The following INPP5D variants were observed in gnomAD, a reference collection of about 807,000 sequenced individuals.
The protein encoded by INPP5D is phosphatidylinositol 3,4,5-trisphosphate 5-phosphatase 1.
INPP5D carries 33 observed loss-of-function variants against 122.9 expected under a neutral mutation model. That is an observed-to-expected ratio of 0.27 (90% CI 0.20 to 0.36). INPP5D has a LOEUF of 0.36. Ranked by LOEUF, INPP5D falls within the 10% of genes least tolerant of loss-of-function variation. The pLI is 1.00. For synonymous variants in INPP5D, 584 were observed against 576.2 expected, an observed-to-expected ratio of 1.01 and a Z score of -0.19; for missense variants, 1,053 against 1,412.7, an observed-to-expected ratio of 0.75 and a Z score of 4.08.
intron 3 of INPP5D, among the ~76,000 whole-genome samples, chr2:233,122,561 G>A (rs1430238744): frequency 1.3e-5 from 2 of 152,220 alleles, no homozygotes; most frequent in Non-Finnish European, 2.9e-5. Context: ...CCAGAACTTT[G>A]GGAGGCCGAG....
chr2:233,074,311 T>C (rs1454705761), intron 1 of INPP5D, among the ~76,000 whole-genome samples: 2 of 152,118 alleles, frequency 1.3e-5, no homozygotes, highest in Non-Finnish European at 2.9e-5. Context: ...TGTCTTTGAG[T>C]AGCTGTCAGA....
chr2:233,112,782 C>T (rs1292734837), intron 2 of INPP5D, among the ~76,000 whole-genome samples: 1 of 152,146 alleles, frequency 6.6e-6, no homozygotes. Context: ...AGCAATTCTC[C>T]TGCTTCAGCC....
chr2:233,062,404 A>G (rs1160682644), intron 1 of INPP5D, among the ~76,000 whole-genome samples: 1 of 152,222 alleles, frequency 6.6e-6, no homozygotes, highest in Non-Finnish European at 1.5e-5. Context: ...CTCTGGTGCA[A>G]CAGCCCTGGC....
chr2:233,144,023 TA>T (rs1423191192), intron 6 of INPP5D, among the ~76,000 whole-genome samples: 3 of 139,846 alleles, frequency 2.1e-5, no homozygotes, highest in Admixed American at 7.1e-5. Context: ...GTGAGAGTGG[TA>T]GGGGTGGAGA....
In INPP5D at chr2:233,164,747, A is replaced by G. The variant is rs1210269550; in HGVS notation, c.1555+323A>G. Among the ~76,000 whole-genome samples, 1 of 152,186 alleles carries G rather than the reference A, an allele frequency of 6.6e-6. No homozygotes were observed. The highest frequency in any genetic ancestry group is 1.5e-5 in the Non-Finnish European group (1 of 68,028). On this transcript the variant is annotated intron_variant, in intron 13 of 26. Transcript: ENST00000445964. This position sits in a 1 kb window ranked among gnomAD's most constrained non-coding sequence, Gnocchi z 4.3. Reference sequence around the variant, plus strand: ...GTCGGCCCGTGGGACCCATTTTAAGAAGCAAGAACCTAGAAGAGGCATTGG... The same window carrying G: ...GTCGGCCCGTGGGACCCATTTTAAGGAGCAAGAACCTAGAAGAGGCATTGG...
At chr2:233,087,268 C>A (rs1263517381) in intron 2 of INPP5D, among the ~76,000 whole-genome samples, 3 of 152,038 alleles carry the variant, frequency 2.0e-5, no homozygotes, top group African/African-American at 4.8e-5. Flanking sequence ...AACCCCTTAC[C>A]CTCCTTTCTT....
rs138980007 is a variant in INPP5D, at chr2:233,153,020, G to T, written c.1031-5293G>T. ...GCGGTGGCAGCTGGAGATGGGAAAA[G>T]GTGAACGGGGTGGGAACGTTTCAAA... On this transcript the variant is annotated intron_variant, in intron 9 of 26. Coordinates refer to ENST00000445964, the MANE Select transcript of INPP5D (RefSeq NM_001017915.3). Among the ~76,000 whole-genome samples the T allele has an allele frequency of 7.9e-3, 1,201 of 152,322 alleles. 13 individuals carry two copies. Among genetic ancestry groups the T allele is most frequent in the African/African-American group, 0.027 (1,124 of 41,566 alleles).
chr2:233,172,346 G>A (rs192205858), intron 17 of INPP5D, among the ~76,000 whole-genome samples: 1 of 152,330 alleles, frequency 6.6e-6, no homozygotes, highest in East Asian at 1.9e-4. Flanking sequence ...GCTCTGCCGG[G>A]CACTGGTGCA....
chr2:233,189,957 T>C lies in INPP5D; in HGVS notation c.2446+20T>C. On this transcript the variant is annotated intron_variant, in intron 22 of 26. Coordinates refer to ENST00000445964, the MANE Select transcript of INPP5D (RefSeq NM_001017915.3). The surrounding 1 kb of genome is among the most constrained non-coding windows in gnomAD (Gnocchi z 5.6). ...CCTATGGTAAGGGTCTGTGGGCAGG[T>C]GCCACACCTGCCTGTGAACTGGCGG... 6.2e-7 allele frequency: 1 copy of C among 1,610,720 alleles called. No homozygotes were observed. Among genetic ancestry groups the C allele is most frequent in the Admixed American group, 1.7e-5 (1 of 59,462 alleles).
Position 233,121,402 on chromosome 2 carries a change from T to A in INPP5D, c.199-705T>A, listed in dbSNP as rs562420413. ...ATGTGCCCACCTCAGCCTCCCAAAG[T>A]GCTGGGATTACCGGCACAAGCCACT... On this transcript the variant is annotated intron_variant, in intron 2 of 26. Coordinates refer to ENST00000445964, the MANE Select transcript of INPP5D (RefSeq NM_001017915.3). 3.3e-5 allele frequency among the ~76,000 whole-genome samples: 5 copies of A among 152,084 alleles called. No individual in the cohort carries two copies. In the East Asian group the frequency reaches 9.6e-4, roughly 29 times the overall value.
At chr2:233,125,720 A>T in intron 3 of INPP5D, 25 bp from the exon 4 acceptor site, 1 of 1,601,734 alleles carries the variant, frequency 6.2e-7, no homozygotes, top group South Asian at 1.1e-5. Flanking sequence ...GTCCTCACCA[A>T]TGGCCTTCCT....
chr2:233,152,352 T>G (rs1693943868), intron 9 of INPP5D, among the ~76,000 whole-genome samples: 1 of 152,170 alleles, frequency 6.6e-6, no homozygotes, highest in Non-Finnish European at 1.5e-5. Context: ...CTTCTACACA[T>G]AGGAACAGCC....
chr2:233,174,519 A>G (rs1236527944), intron 17 of INPP5D, among the ~76,000 whole-genome samples: 1 of 152,242 alleles, frequency 6.6e-6, no homozygotes, highest in African/African-American at 2.4e-5. Context: ...TAGGCTGGGC[A>G]CAGTGGCTCA....
In INPP5D at chr2:233,125,913, C is replaced by A. The variant is rs1457869767; in HGVS notation, c.518C>A (p.Thr173Asn). Residue 173 changes from threonine to asparagine, a missense_variant, in exon 4 of 27, where the codon ACC (threonine) becomes AAC (asparagine). Thr to Asn is a moderately conservative substitution (Grantham distance 65, BLOSUM62 0). Around this residue, in one of 6 missense-constraint regions of INPP5D, gnomAD observed 196 missense variants for 175.6 expected, o/e 1.12. Coordinates refer to ENST00000445964, the MANE Select transcript of INPP5D (RefSeq NM_001017915.3). ...TLFQRLQSMD[T>N]SGLPEEHLKA... is the part of the protein sequence containing the mutation. Reference sequence around the variant, plus strand: ...TTCCAGCGACTGCAAAGCATGGACACCAGTGGGTGAGTCCCCACTCAAGTC... The same window carrying A: ...TTCCAGCGACTGCAAAGCATGGACAACAGTGGGTGAGTCCCCACTCAAGTC... 1 of 1,613,210 alleles carries A rather than the reference C, an allele frequency of 6.2e-7. No individual in the cohort carries two copies. The highest frequency in any genetic ancestry group is 1.1e-5 in the South Asian group (1 of 90,960).
In INPP5D at chr2:233,092,478, T is replaced by G. The variant is rs140148857; in HGVS notation, c.198+13080T>G. Reference sequence around the variant, plus strand: ...AACCATGAGGGCTTTTGAAACATAATGATTAGGGCAGGTTTTTAGCATTGA... The same window carrying G: ...AACCATGAGGGCTTTTGAAACATAAGGATTAGGGCAGGTTTTTAGCATTGA... On this transcript the variant is annotated intron_variant, in intron 2 of 26. Coordinates refer to ENST00000445964, the MANE Select transcript of INPP5D (RefSeq NM_001017915.3). Among the ~76,000 whole-genome samples the G allele has an allele frequency of 2.6e-5, 4 of 152,256 alleles. No homozygotes were observed. The East Asian group carries it at 5.8e-4, about 22-fold the overall frequency.
rs1403728385 is a variant in INPP5D at position 233,170,298 on chromosome 2, C to T, written c.1791+134C>T. ...GCGGCTGCTCCCCTTGGGGGCTCAA[C>T]GCTGTTTCCATTACTGAGCCTCAGC... On this transcript the variant is annotated intron_variant, in intron 15 of 26. Coordinates refer to ENST00000445964, the MANE Select transcript of INPP5D (RefSeq NM_001017915.3). This position sits in a 1 kb window ranked among gnomAD's most constrained non-coding sequence, Gnocchi z 4.5. 1.6e-5 allele frequency: 24 copies of T among 1,496,522 alleles called. No individual in the cohort carries two copies. The highest frequency in any genetic ancestry group is 9.9e-5 in the East Asian group (4 of 40,570). The allele number at this position is 1,496,522 out of a possible 1,614,324, so 92.7% of individuals were successfully genotyped here.
intron 25 of INPP5D, 97 bp from the exon 26 acceptor site, chr2:233,204,029 G>T: frequency 7.0e-7 from 1 of 1,426,374 alleles, no homozygotes; most frequent in Non-Finnish European, 9.2e-7. Context: ...AGAAACATTT[G>T]TATCACCCCA....
chr2:233,155,191 A>C (rs898633481), intron 9 of INPP5D, among the ~76,000 whole-genome samples: 5 of 152,230 alleles, frequency 3.3e-5, no homozygotes, highest in African/African-American at 1.2e-4. Context: ...GGGGCAATAA[A>C]AAATATTATA....
intron 10 of INPP5D, among the ~76,000 whole-genome samples, chr2:233,161,353 A>G (rs750278983): frequency 1.7e-4 from 26 of 152,072 alleles, no homozygotes; most frequent in Non-Finnish European, 3.4e-4. Context: ...CGGCCTCCCA[A>G]AGTGCTGGGA....
Sources: allele counts gnomAD v4.1 joint callset (sites outside exome capture counted in the v4.1 genomes callset), GRCh38; gene constraint gnomAD v4.1.1; regional missense constraint gnomAD v4.1.1; non-coding constraint Gnocchi (gnomAD v3.1); transcripts MANE v1.5; gene names NCBI Gene and HGNC (gene_info 2026-07-23, HGNC 2026-07-21).